Variants in CNOT10 observed in about 807,000 individuals in gnomAD.
The protein encoded by CNOT10 is CCR4-NOT transcription complex, subunit 10.
Under a neutral mutation model 94.6 loss-of-function variants are expected in CNOT10, and 30 were observed. The ratio of observed to expected loss-of-function variants is 0.32; its 90% confidence interval spans 0.24 to 0.43. The LOEUF is 0.43. Ranked by LOEUF, CNOT10 falls within the 20% of genes least tolerant of loss-of-function variation. The pLI, the probability that CNOT10 is intolerant of heterozygous loss-of-function variation, is 1.00. For missense variants in CNOT10, 759 were observed against 877.2 expected (o/e 0.87, Z 1.70); for synonymous variants, 289 against 301.6 (o/e 0.96, Z 0.43).
At chr3:32,710,652 T>C (rs13087837) in intron 4 of CNOT10, among the ~76,000 whole-genome samples, 30,905 of 152,048 alleles carry the variant, frequency 0.2, 3,944 homozygotes, top group African/African-American at 0.35. Context: ...ACCACTGATC[T>C]TTTTACTGTC....
At chr3:32,735,905 A>G (rs1699166066) in intron 12 of CNOT10, among the ~76,000 whole-genome samples, 1 of 152,180 alleles carries the variant, frequency 6.6e-6, no homozygotes, top group Admixed American at 6.6e-5. Context: ...GTTCAAGTCT[A>G]GTCTGGGCAG....
chr3:32,686,737 G>A (rs1696617818), intron 1 of CNOT10, among the ~76,000 whole-genome samples: 1 of 152,182 alleles, frequency 6.6e-6, no homozygotes, highest in Non-Finnish European at 1.5e-5. Flanking sequence ...CCTTATTTTA[G>A]AATAGTGTCT....
rs569752034 is a variant in CNOT10, at chr3:32,690,875, A to G, written c.22+5393A>G. Among the ~76,000 whole-genome samples the G allele has an allele frequency of 1.1e-4, 17 of 152,096 alleles. No individual in the cohort carries two copies. In the South Asian group the frequency reaches 1.2e-3, roughly 11 times the overall value. ...TTTGGTATTTTTTCAACTTTTTATT[A>G]TGAATGATTTCAAACACCTAAAAAA... is the stretch of plus-strand genomic sequence containing the variant. On this transcript the variant is annotated intron_variant, in intron 1 of 18. Transcript: ENST00000328834.
chr3:32,748,224 T>C (rs1288659652), intron 13 of CNOT10, among the ~76,000 whole-genome samples: 1 of 152,242 alleles, frequency 6.6e-6, no homozygotes, highest in Admixed American at 6.5e-5. Flanking sequence ...TGTTCGAATG[T>C]TTGTATGCTA....
chr3:32,694,498 T>C (rs1489495670), intron 1 of CNOT10, among the ~76,000 whole-genome samples: 1 of 152,214 alleles, frequency 6.6e-6, no homozygotes, highest in African/African-American at 2.4e-5. Context: ...CTCTTAGATG[T>C]GAAAACAAAA....
intron 14 of CNOT10, among the ~76,000 whole-genome samples, chr3:32,760,451 G>T (rs1700394653): frequency 6.6e-6 from 1 of 151,950 alleles, no homozygotes; most frequent in Non-Finnish European, 1.5e-5. Context: ...AGCCAACGTG[G>T]TAAAACCCCA....
intron 9 of CNOT10, among the ~76,000 whole-genome samples, chr3:32,726,952 T>C (rs906791136): frequency 1.3e-5 from 2 of 150,944 alleles, no homozygotes; most frequent in Non-Finnish European, 3.0e-5. Context: ...GTTCAAGCAA[T>C]TTTCCTGCCT....
chr3:32,748,316 T>C (rs756621186), intron 13 of CNOT10, among the ~76,000 whole-genome samples: 3 of 152,218 alleles, frequency 2.0e-5, no homozygotes, highest in Non-Finnish European at 2.9e-5. Flanking sequence ...TATTTCTCTT[T>C]AGAAAATTTT....
chr3:32,739,776 T>C (rs1051558105), intron 13 of CNOT10, among the ~76,000 whole-genome samples: 15 of 152,004 alleles, frequency 9.9e-5, no homozygotes, highest in African/African-American at 3.6e-4. Flanking sequence ...AATACAAAAG[T>C]TGGCCAGGTG....
intron 4 of CNOT10, among the ~76,000 whole-genome samples, chr3:32,710,505 A>G (rs1403581588): frequency 1.3e-5 from 2 of 152,120 alleles, no homozygotes; most frequent in African/African-American, 4.8e-5. Context: ...CAAAGTTCAT[A>G]GTTTACGTTA....
intron 17 of CNOT10, chr3:32,765,211 G>A (rs1220844890): frequency 1.7e-5 from 5 of 301,798 alleles, no homozygotes; most frequent in South Asian, 5.5e-5. Flanking sequence ...CCAGCTACTC[G>A]GGAGGCTGAA....
chr3:32,755,757 C>CTTTTTTTTTTTTTTTTTT (rs66705516), intron 13 of CNOT10, among the ~76,000 whole-genome samples: 1 of 141,242 alleles, frequency 7.1e-6, no homozygotes, highest in Non-Finnish European at 1.5e-5. Flanking sequence ...TTTTCCTTTC[C>CTTTTTTTTTTTTTTTTTT]TTTTTTTTTT....
intron 13 of CNOT10, among the ~76,000 whole-genome samples, chr3:32,758,089 G>A (rs921642437): frequency 2.6e-5 from 4 of 152,178 alleles, no homozygotes; most frequent in Admixed American, 2.6e-4. Context: ...AAGAAGCAAT[G>A]TGATTGGATG....
chr3:32,754,489 A>AAAAAAAATATATATATATATAT (rs77878221), intron 13 of CNOT10, among the ~76,000 whole-genome samples: 3 of 70,206 alleles, frequency 4.3e-5, no homozygotes, highest in African/African-American at 2.3e-4. Context: ...AAAAAAAAAA[A>AAAAAAAATATATATATATATAT]ATACATATAT....
In CNOT10 at chr3:32,757,170, A is replaced by ATTTTTTTTTTTT. The variant is rs1173513009; in HGVS notation, c.1596-2273_1596-2262dup. ...TGTCATTCACATAGGCCCTGAACTA[A>ATTTTTTTTTTTT]TTTTTTTTTTTTTTTTTTTTTTTTT... is the stretch of plus-strand genomic sequence containing the variant. On this transcript the variant is annotated intron_variant, in intron 13 of 18. Transcript: ENST00000328834. 1.9e-4 allele frequency among the ~76,000 whole-genome samples: 15 copies of ATTTTTTTTTTTT among 78,298 alleles called. 2 individuals carry two copies. The highest frequency in any genetic ancestry group is 8.3e-4 in the African/African-American group (15 of 18,026). The allele number at this position is 78,298 out of a possible 152,430, so 51.4% of individuals were successfully genotyped here.
At chr3:32,755,076 A>T (rs1410132197) in intron 13 of CNOT10, among the ~76,000 whole-genome samples, 3 of 150,530 alleles carry the variant, frequency 2.0e-5, no homozygotes, top group African/African-American at 7.3e-5. Flanking sequence ...GTGAAACCTC[A>T]TCTCTACTAA....
intron 13 of CNOT10, chr3:32,753,016 A>AG (rs2125616042): frequency 2.0e-6 from 1 of 488,934 alleles, no homozygotes; most frequent in African/African-American, 2.0e-5. Context: ...GAGCTGACTA[A>AG]GGCTTTGGAA....
intron 1 of CNOT10, among the ~76,000 whole-genome samples, chr3:32,703,345 A>T (rs1015078907): frequency 1.3e-5 from 2 of 152,180 alleles, no homozygotes; most frequent in Non-Finnish European, 2.9e-5. Flanking sequence ...CAGAAGATAC[A>T]TTCAGGGTCC....
intron 8 of CNOT10, among the ~76,000 whole-genome samples, chr3:32,724,085 AAG>A (rs1464709609): frequency 6.6e-6 from 1 of 152,292 alleles, no homozygotes; most frequent in African/African-American, 2.4e-5. Flanking sequence ...GTCTCAGAGA[AAG>A]AAAAAAATTA....
Sources: allele counts gnomAD v4.1 joint callset (sites outside exome capture counted in the v4.1 genomes callset), GRCh38; gene constraint gnomAD v4.1.1; transcripts MANE v1.5; gene names NCBI Gene and HGNC (gene_info 2026-07-23, HGNC 2026-07-21).